SERPINA12: variants seen among roughly 807,000 people sequenced by gnomAD.
The protein encoded by SERPINA12 is serpin family A member 12.
Under a neutral mutation model 25.9 loss-of-function variants are expected in SERPINA12, and 21 were observed. That is an observed-to-expected ratio of 0.81 (90% CI 0.58 to 1.17). The LOEUF (loss-of-function observed/expected upper bound fraction) is 1.17, where lower values mean the gene tolerates loss of function less well. Ranked by LOEUF, SERPINA12 falls within the 50% of genes most tolerant of loss-of-function variation. SERPINA12 has a pLI of 0.00. For missense variants in SERPINA12, 562 were observed against 508.3 expected (o/e 1.11, Z -1.02); for synonymous variants, 220 against 196.0 (o/e 1.12, Z -1.02).
chr14:94,509,574 C>T (rs752654279), upstream of SERPINA12, among the ~76,000 whole-genome samples: 25 of 152,338 alleles, frequency 1.6e-4, no homozygotes, highest in Admixed American at 3.3e-4. Context: ...CCAGGATCAG[C>T]CTGGCCAACT....
intron 4 of SERPINA12, among the ~76,000 whole-genome samples, chr14:94,489,094 CA>C (rs903214300): frequency 1.5e-5 from 2 of 134,166 alleles, no homozygotes; most frequent in African/African-American, 5.6e-5. Context: ...AAGACTCCTT[CA>C]AAAAACAAAA....
chr14:94,513,514 C>T (rs1343930846), upstream of SERPINA12, among the ~76,000 whole-genome samples: 1 of 152,158 alleles, frequency 6.6e-6, no homozygotes, highest in African/African-American at 2.4e-5. Context: ...CCTCAAGTTA[C>T]TTCATCTTTC....
chr14:94,516,804 G>C (rs974351698), intron 1 of SERPINA12, among the ~76,000 whole-genome samples: 3 of 152,150 alleles, frequency 2.0e-5, no homozygotes, highest in African/African-American at 7.2e-5. Context: ...CCTGGTTCAG[G>C]TGCCCCTGTT....
intron 1 of SERPINA12, among the ~76,000 whole-genome samples, chr14:94,500,508 A>C (rs907209090): frequency 2.0e-5 from 3 of 152,182 alleles, no homozygotes; most frequent in Admixed American, 6.5e-5. Flanking sequence ...TAATCCAATC[A>C]GTGCAGGCGG....
At chr14:94,492,468 A>G (rs919347636) in intron 3 of SERPINA12, among the ~76,000 whole-genome samples, 13 of 152,210 alleles carry the variant, frequency 8.5e-5, no homozygotes, top group African/African-American at 2.9e-4. Flanking sequence ...GTCTTCTTGC[A>G]TAGAAGCCAC....
At chr14:94,502,024 A>ATT (rs1555378635) in intron 1 of SERPINA12, among the ~76,000 whole-genome samples, 1 of 144,602 alleles carries the variant, frequency 6.9e-6, no homozygotes, top group Non-Finnish European at 1.5e-5. Flanking sequence ...TTAGTTTGGA[A>ATT]TGTGTGTGTG....
At chr14:94,502,331 C>T (rs184500194) in intron 1 of SERPINA12, among the ~76,000 whole-genome samples, 48 of 152,168 alleles carry the variant, frequency 3.2e-4, no homozygotes, top group East Asian at 2.9e-3. Flanking sequence ...GGGAAGCGTC[C>T]GCACAGGTAG....
intron 4 of SERPINA12, among the ~76,000 whole-genome samples, chr14:94,487,793 C>T (rs945434064): frequency 2.0e-5 from 3 of 152,160 alleles, no homozygotes; most frequent in Non-Finnish European, 4.4e-5. Flanking sequence ...AAGCATCAAC[C>T]ATAGCCGTGG....
chr14:94,498,936 T>C (rs886229063), intron 1 of SERPINA12, among the ~76,000 whole-genome samples: 3 of 152,134 alleles, frequency 2.0e-5, no homozygotes, highest in African/African-American at 7.2e-5. Flanking sequence ...GGTTTCCACA[T>C]GTAGAAGGAG....
chr14:94,490,329 T>C (rs559038697), intron 3 of SERPINA12, among the ~76,000 whole-genome samples: 6 of 152,210 alleles, frequency 3.9e-5, no homozygotes, highest in African/African-American at 1.4e-4. Context: ...GCGTAGCAGG[T>C]GCCCATCCTC....
At chr14:94,509,507 G>A (rs1402069076), upstream of SERPINA12, among the ~76,000 whole-genome samples, 3 of 152,150 alleles carry the variant, frequency 2.0e-5, no homozygotes, top group East Asian at 5.8e-4. Context: ...TCTACAAACT[G>A]GGTGGACTTC....
exon 1 of SERPINA12, chr14:94,517,705 G>A (rs958253763): frequency 1.3e-5 from 2 of 152,222 alleles, no homozygotes; most frequent in East Asian, 3.9e-4. Context: ...TTCTGTTCTG[G>A]AGTAGAGCCT....
Position 94,505,763 on chromosome 14 carries a change from A to G in SERPINA12, c.-34+3579T>C, listed in dbSNP as rs115809087. Among the ~76,000 whole-genome samples, 764 of 152,278 alleles carry G rather than the reference A, an allele frequency of 5.0e-3. 4 individuals are homozygous for G. Among genetic ancestry groups the G allele is most frequent in the African/African-American group, 0.018 (729 of 41,556 alleles). On this transcript the variant is annotated intron_variant, in intron 1 of 4. Coordinates refer to ENST00000677451, the MANE Select transcript of SERPINA12 (RefSeq NM_001382267.1). Reference sequence around the variant, plus strand: ...TCCAGGGTAAATTTCCACGGGAGACATGCAGGAAGAGGCCAGGGTAGGGAT... The same window carrying G: ...TCCAGGGTAAATTTCCACGGGAGACGTGCAGGAAGAGGCCAGGGTAGGGAT...
intron 1 of SERPINA12, chr14:94,500,863 A>C: frequency 6.1e-6 from 6 of 985,376 alleles, no homozygotes; most frequent in Non-Finnish European, 7.2e-6. Context: ...ACATCCTCAC[A>C]AATACGGGCA....
intron 1 of SERPINA12, among the ~76,000 whole-genome samples, chr14:94,508,123 A>T (rs1280116022): frequency 1.3e-5 from 2 of 152,210 alleles, no homozygotes; most frequent in Non-Finnish European, 2.9e-5. Flanking sequence ...GCAAAGCCCA[A>T]ATCCCACTAG....
chr14:94,494,457 G>C (rs1037924278), intron 3 of SERPINA12, among the ~76,000 whole-genome samples: 1 of 152,176 alleles, frequency 6.6e-6, no homozygotes, highest in Non-Finnish European at 1.5e-5. Context: ...GGAAAATTCT[G>C]GTTCTGAATG....
Position 94,498,306 on chromosome 14 carries a change from T to G in SERPINA12, c.92A>C (p.Lys31Thr). 6.2e-7 allele frequency: 1 copy of G among 1,614,138 alleles called. No individual in the cohort carries two copies. Among genetic ancestry groups the G allele is most frequent in the Non-Finnish European group, 8.5e-7 (1 of 1,180,020 alleles). Residue 31 changes from lysine to threonine, a missense_variant, in exon 2 of 5, where the codon AAA becomes ACA. Transcript: ENST00000677451. ...LKPSFSPRNYKALSEVQGWKQ... is the reference protein window; with the variant it reads ...LKPSFSPRNYTALSEVQGWKQ... ...CCATCCTTGGACCTCGCTCAAAGCT[T>G]TATAATTCCTTGGTGAGAAGCTCGG... is the stretch of plus-strand genomic sequence containing the variant.
At chr14:94,502,168 C>G (rs1900758731) in intron 1 of SERPINA12, among the ~76,000 whole-genome samples, 1 of 152,036 alleles carries the variant, frequency 6.6e-6, no homozygotes, top group African/African-American at 2.4e-5. Flanking sequence ...ACATGGGACA[C>G]ATGAAGCTAT....
chr14:94,516,661 A>G (rs1394340201), intron 1 of SERPINA12, among the ~76,000 whole-genome samples: 9 of 152,220 alleles, frequency 5.9e-5, no homozygotes, highest in Non-Finnish European at 1.2e-4. Context: ...TCGTCACTAC[A>G]CTGACACACC....
Sources: allele counts gnomAD v4.1 joint callset (sites outside exome capture counted in the v4.1 genomes callset), GRCh38; gene constraint gnomAD v4.1.1; transcripts MANE v1.5; gene names NCBI Gene and HGNC (gene_info 2026-07-23, HGNC 2026-07-21).